The following UPRT variants were observed in gnomAD, a reference collection of about 807,000 sequenced individuals.
UPRT encodes the protein RP11-311P8.3.
In UPRT, 5 loss-of-function variants were observed where a neutral mutation model predicts 22.6. That is an observed-to-expected ratio of 0.22 (90% CI 0.12 to 0.47). The LOEUF is 0.47. UPRT is among the 20% of genes least tolerant of loss of function. UPRT has a pLI of 0.99. For synonymous variants in UPRT, 77 were observed against 87.7 expected (o/e 0.88, Z 0.68); for missense variants, 181 against 239.9 (o/e 0.75, Z 1.62).
intron 1 of UPRT, among the ~76,000 whole-genome samples, chrX:75,288,655 C>A (rs2082692497): frequency 9.0e-6 from 1 of 111,599 alleles, no homozygotes; most frequent in Non-Finnish European, 1.9e-5. Context: ...CTCAAAAAAT[C>A]ATTTCTTAGT....
At chrX:75,165,938 C>T (rs750401558) in intron 3 of UPRT, among the ~76,000 whole-genome samples, 40 of 111,312 alleles carry the variant, frequency 3.6e-4, no homozygotes, top group Non-Finnish European at 4.1e-4. Context: ...ATGAAGAATT[C>T]ACATATCATG....
chrX:75,233,847 A>G (rs897049905), intron 4 of UPRT, among the ~76,000 whole-genome samples: 9 of 111,286 alleles, frequency 8.1e-5, no homozygotes, highest in African/African-American at 2.9e-4. Flanking sequence ...AAATGTAAAG[A>G]CCATCGAGAC....
intron 4 of UPRT, among the ~76,000 whole-genome samples, chrX:75,266,525 C>T (rs2082589056): frequency 9.0e-6 from 1 of 111,612 alleles, no homozygotes; most frequent in Middle Eastern, 4.6e-3. Context: ...AGGACATAGG[C>T]ATTGGCAAGT....
intron 4 of UPRT, among the ~76,000 whole-genome samples, chrX:75,216,526 A>G (rs183382368): frequency 1.8e-3 from 201 of 112,344 alleles, no homozygotes; most frequent in African/African-American, 6.2e-3. Context: ...GAAAATATAG[A>G]AGATAAAAGC....
chrX:75,214,803 C>A (rs2147630026), intron 4 of UPRT, among the ~76,000 whole-genome samples: 1 of 111,277 alleles, frequency 9.0e-6, no homozygotes, highest in South Asian at 3.8e-4. Flanking sequence ...GTTCCAGCTC[C>A]TCAGGAGACT....
chrX:75,275,877 AT>A lies in UPRT; in HGVS notation c.386+1243del, dbSNP rs2082629286. 7.2e-5 allele frequency among the ~76,000 whole-genome samples: 8 copies of A among 110,508 alleles called. No homozygotes were observed. In the Admixed American group the frequency reaches 7.7e-4, roughly 11 times the overall value. On this transcript the variant is annotated intron_variant, in intron 1 of 6. Coordinates refer to ENST00000373383, the MANE Select transcript of UPRT (RefSeq NM_145052.4). ...GGGACATGGCACTGCCCCCCGGCTA[AT>A]TTTTTATTTTTTTGTAGAGATGGAG...
At chrX:75,171,685 C>T (rs1296230364) in intron 4 of UPRT, among the ~76,000 whole-genome samples, 1 of 107,035 alleles carries the variant, frequency 9.3e-6, no homozygotes, top group Non-Finnish European at 1.9e-5. Context: ...AATTGTTTTT[C>T]TGGTTTCTTC....
intron 4 of UPRT, among the ~76,000 whole-genome samples, chrX:75,242,347 C>T (rs1327209767): frequency 6.3e-5 from 7 of 110,644 alleles, no homozygotes; most frequent in African/African-American, 2.3e-4. Context: ...AAAGATACTG[C>T]CAAATTGTTC....
At chrX:75,157,447 A>G (rs182208619) in intron 1 of UPRT, among the ~76,000 whole-genome samples, 2 of 112,393 alleles carry the variant, frequency 1.8e-5, no homozygotes. Flanking sequence ...ATGACATGTT[A>G]AAAGCAAGAA....
chrX:75,298,346 T>C (rs922100765), intron 4 of UPRT, among the ~76,000 whole-genome samples: 4 of 110,637 alleles, frequency 3.6e-5, no homozygotes, highest in Non-Finnish European at 5.7e-5. Flanking sequence ...GCAAAAGTGC[T>C]TGACTGTCAT....
intron 4 of UPRT, among the ~76,000 whole-genome samples, chrX:75,227,419 C>G (rs775204111): frequency 1.8e-5 from 2 of 111,297 alleles, no homozygotes; most frequent in Non-Finnish European, 1.9e-5. Context: ...CTTCCACAGA[C>G]GTGCCATTGA....
intron 4 of UPRT, among the ~76,000 whole-genome samples, chrX:75,189,758 A>G (rs193195894): frequency 9.0e-6 from 1 of 111,236 alleles, no homozygotes; most frequent in Admixed American, 9.5e-5. Flanking sequence ...ATCTCTTTTG[A>G]TCTTTGTTGG....
chrX:75,275,594 A>C (rs1464849773), intron 1 of UPRT, among the ~76,000 whole-genome samples: 1 of 110,956 alleles, frequency 9.0e-6, no homozygotes, highest in Non-Finnish European at 1.9e-5. Flanking sequence ...TTCCACATGC[A>C]CCCATACATT....
intron 4 of UPRT, among the ~76,000 whole-genome samples, chrX:75,213,938 A>G (rs2082386115): frequency 1.8e-5 from 2 of 112,202 alleles, no homozygotes; most frequent in Non-Finnish European, 1.9e-5. Flanking sequence ...AAAATTAATA[A>G]GGACCTAGAG....
rs1187661401 is a variant in UPRT, at chrX:75,219,411, C to G, written c.-447+51532C>G. On this transcript the variant is annotated intron_variant, in intron 4 of 13. Transcript: ENST00000652605. ...TTTTCTGCAAGGATCTTGATGCTAT[C>G]ATTCTTAGATGTAGACAACAAAACT... Among the ~76,000 whole-genome samples the G allele has an allele frequency of 2.7e-5, 3 of 112,058 alleles. No individual in the cohort carries two copies. In the East Asian group the frequency reaches 8.4e-4, roughly 31 times the overall value.
At chrX:75,292,271 T>C (rs1345590327) in intron 1 of UPRT, among the ~76,000 whole-genome samples, 1 of 111,859 alleles carries the variant, frequency 8.9e-6, no homozygotes, top group Non-Finnish European at 1.9e-5. Flanking sequence ...TATAGTCTTA[T>C]TTGAAAACCA....
chrX:75,235,996 G>A (rs776687874), intron 4 of UPRT, among the ~76,000 whole-genome samples: 61 of 111,053 alleles, frequency 5.5e-4, no homozygotes, highest in African/African-American at 1.8e-3. Context: ...TAGGAAAAGA[G>A]GAAGTCAAAT....
chrX:75,183,039 A>C (rs1314105711), intron 4 of UPRT, among the ~76,000 whole-genome samples: 1 of 109,989 alleles, frequency 9.1e-6, no homozygotes, highest in African/African-American at 3.3e-5. Flanking sequence ...TATTATTATT[A>C]TACTTTAAGT....
chrX:75,296,792 T>A (rs923581402), intron 3 of UPRT, among the ~76,000 whole-genome samples: 1 of 111,679 alleles, frequency 9.0e-6, no homozygotes. Flanking sequence ...TAAAAAAGGA[T>A]AGAAAGTAAA....
Sources: gnomAD v4.1 joint callset for allele counts (sites outside exome capture counted in the v4.1 genomes callset) on GRCh38, gnomAD v4.1.1 for gene constraint, MANE v1.5 for transcripts, NCBI Gene and HGNC (gene_info 2026-07-23, HGNC 2026-07-21) for gene names.